The following CDH8 variants were observed in gnomAD, a reference collection of about 807,000 sequenced individuals.
CDH8 encodes the protein cadherin 8, also known as cadherin-8.
A neutral mutation model predicts 68.1 loss-of-function variants in CDH8; 17 were observed. The observed-to-expected ratio is 0.25, with a 90% CI of 0.17 to 0.37. CDH8 has a LOEUF of 0.37. Ranked by LOEUF, CDH8 falls within the 10% of genes least tolerant of loss-of-function variation. The pLI is 1.00. For synonymous variants in CDH8, 372 were observed against 365.1 expected (o/e 1.02, Z -0.21); for missense variants, 763 against 999.3 (o/e 0.76, Z 3.19).
rs181692166 is a variant in CDH8 at position 61,662,498 on chromosome 16, A to G, written c.1655-6777T>C. ...CATACTACATTATTTTAAAAAAAGAAATCTCTTGAAGTTGAGGGTAAAACA... is the reference window on the plus strand; with the variant it reads ...CATACTACATTATTTTAAAAAAAGAGATCTCTTGAAGTTGAGGGTAAAACA... On this transcript the variant is annotated intron_variant, in intron 10 of 11. Transcript: ENST00000577390. Among the ~76,000 whole-genome samples, 5 of 151,950 alleles carry G rather than the reference A, an allele frequency of 3.3e-5. No individual in the cohort carries two copies. The East Asian group carries it at 5.8e-4, about 18-fold the overall frequency.
At chr16:61,957,958 T>C (rs1167552004) in intron 2 of CDH8, among the ~76,000 whole-genome samples, 1 of 152,190 alleles carries the variant, frequency 6.6e-6, no homozygotes, top group African/African-American at 2.4e-5. Context: ...GGGGACTCTA[T>C]TAGATGGGTA....
intron 6 of CDH8, chr16:61,818,037 A>T: frequency 4.2e-6 from 1 of 237,284 alleles, no homozygotes; most frequent in Non-Finnish European, 8.2e-6. Context: ...GTCATAATAA[A>T]ATTTTACTAG....
chr16:61,729,274 A>G (rs573263227), intron 8 of CDH8, among the ~76,000 whole-genome samples: 2 of 151,184 alleles, frequency 1.3e-5, no homozygotes, highest in East Asian at 3.9e-4. Context: ...AAAAATACAT[A>G]TACATGTGTA....
chr16:61,819,859 A>G (rs949960937), intron 6 of CDH8, among the ~76,000 whole-genome samples: 3 of 152,098 alleles, frequency 2.0e-5, no homozygotes, highest in African/African-American at 7.2e-5. Context: ...AAGCTAATCC[A>G]TTTAAAAGCT....
At position 61,960,408 on chromosome 16, in the gene CDH8, T is replaced by TGTGTGTGTATACACATACATATATAC. The variant is rs1567546872; in HGVS notation, c.253-58936_253-58935insGTATATATGTATGTGTATACACACAC. On this transcript the variant is annotated intron_variant, in intron 2 of 11. Coordinates refer to ENST00000577390, the MANE Select transcript of CDH8 (RefSeq NM_001796.5). The stretch of plus-strand genomic sequence containing the variant: ...GTGTGTATACACATACATATATACA[T>TGTGTGTGTATACACATACATATATAC]ATATGTGTGTGTGTATACACATACA... Among the ~76,000 whole-genome samples the TGTGTGTGTATACACATACATATATAC allele has an allele frequency of 1.1e-3, 132 of 115,624 alleles. 43 individuals are homozygous for TGTGTGTGTATACACATACATATATAC. The highest frequency in any genetic ancestry group is 5.5e-3 in the African/African-American group (125 of 22,680). The allele number at this position is 115,624 out of a possible 152,430, so 75.9% of individuals were successfully genotyped here.
intron 10 of CDH8, among the ~76,000 whole-genome samples, chr16:61,690,706 A>G (rs1427569754): frequency 6.6e-6 from 1 of 151,972 alleles, no homozygotes; most frequent in Non-Finnish European, 1.5e-5. Context: ...TAGCAGAACC[A>G]TATGTTGGCT....
At chr16:61,731,347 A>T (rs1959531218) in intron 8 of CDH8, among the ~76,000 whole-genome samples, 1 of 151,746 alleles carries the variant, frequency 6.6e-6, no homozygotes, top group African/African-American at 2.4e-5. Context: ...CTAGGGAATC[A>T]TTTCTTTAAC....
At chr16:61,789,505 A>T in intron 7 of CDH8, 23 bp from the exon 8 acceptor site, 2 of 1,609,092 alleles carry the variant, frequency 1.2e-6, no homozygotes, top group Non-Finnish European at 1.7e-6. Context: ...CACATCTGTA[A>T]TCTACTTCAA....
Position 61,652,526 on chromosome 16 carries a change from G to A in CDH8, c.*1082C>T. 1 of 1,019,172 alleles carries A rather than the reference G, an allele frequency of 9.8e-7. No individual in the cohort carries two copies. The highest frequency in any genetic ancestry group is 1.2e-6 in the Non-Finnish European group (1 of 852,470). The allele number at this position is 1,019,172 out of a possible 1,614,324, so 63.1% of individuals were successfully genotyped here. A position where few individuals can be genotyped will look rare whatever the true frequency, so the allele number is the denominator to read the frequency against. The stretch of plus-strand genomic sequence containing the variant: ...GAAGATGCTGTTCCTGCCATCTCCA[G>A]TTACAATAACACTTTCTACTCTAAA... On this transcript the variant is annotated 3_prime_UTR_variant, in exon 12 of 12. Coordinates refer to ENST00000577390, the MANE Select transcript of CDH8 (RefSeq NM_001796.5).
chr16:61,856,199 A>G (rs1026224285), intron 4 of CDH8, among the ~76,000 whole-genome samples: 1 of 152,120 alleles, frequency 6.6e-6, no homozygotes, highest in Admixed American at 6.6e-5. Context: ...ATAATAATAT[A>G]TGTATATGTG....
At chr16:62,029,158 T>C (rs1902265974) in intron 1 of CDH8, among the ~76,000 whole-genome samples, 1 of 152,162 alleles carries the variant, frequency 6.6e-6, no homozygotes, top group Non-Finnish European at 1.5e-5. Context: ...ACTACCTACT[T>C]TGAAAGATTA....
chr16:61,928,628 G>A (rs562041232), intron 2 of CDH8, among the ~76,000 whole-genome samples: 3 of 152,190 alleles, frequency 2.0e-5, no homozygotes, highest in Non-Finnish European at 2.9e-5. Flanking sequence ...ACCATAAATA[G>A]TAGAGGTTTA....
chr16:61,657,990 T>A (rs1301759857), intron 10 of CDH8, among the ~76,000 whole-genome samples: 1 of 152,110 alleles, frequency 6.6e-6, no homozygotes, highest in African/African-American at 2.4e-5. Context: ...AGAAGACTGT[T>A]GACTGAGTAA....
chr16:61,836,603 A>G (rs1962574840), intron 4 of CDH8, among the ~76,000 whole-genome samples: 1 of 152,012 alleles, frequency 6.6e-6, no homozygotes, highest in African/African-American at 2.4e-5. Flanking sequence ...GCAGAAAAGC[A>G]CAGCTATTTC....
Position 61,653,530 on chromosome 16 carries a change from A to T in CDH8, c.*78T>A. ...AAACTTGCCTCTAAAACAAATAGCC[A>T]CATTGGTTGTATCTAAGGGGAGTGA... On this transcript the variant is annotated 3_prime_UTR_variant, in exon 12 of 12. Transcript: ENST00000577390. 1 of 1,513,386 alleles carries T rather than the reference A, an allele frequency of 6.6e-7. No individual in the cohort carries two copies. Among genetic ancestry groups the T allele is most frequent in the Non-Finnish European group, 8.8e-7 (1 of 1,132,422 alleles). The allele number at this position is 1,513,386 out of a possible 1,614,324, so 93.7% of individuals were successfully genotyped here. A position where few individuals can be genotyped will look rare whatever the true frequency, so the allele number is the denominator to read the frequency against.
chr16:61,727,279 T>TG, intron 8 of CDH8, 64 bp from the exon 9 acceptor site: 1 of 1,497,118 alleles, frequency 6.7e-7, no homozygotes, highest in Non-Finnish European at 9.0e-7. Flanking sequence ...AACTCAACTT[T>TG]CTCTTGAAAG....
intron 3 of CDH8, among the ~76,000 whole-genome samples, chr16:61,861,935 C>A (rs1963157789): frequency 6.6e-6 from 1 of 152,204 alleles, no homozygotes; most frequent in African/African-American, 2.4e-5. Context: ...ACAAACTAAT[C>A]TTTTACAATT....
rs149258191 is a variant in CDH8 at position 61,819,223 on chromosome 16, T to C, written c.1024-1491A>G. On this transcript the variant is annotated intron_variant, in intron 6 of 11. Coordinates refer to ENST00000577390, the MANE Select transcript of CDH8 (RefSeq NM_001796.5). ...TTTATTGGACAAAAAAGAGGGCCTATAAATTGTAGAAATACAACTCCTTTG... is the reference window on the plus strand; with the variant it reads ...TTTATTGGACAAAAAAGAGGGCCTACAAATTGTAGAAATACAACTCCTTTG... Among the ~76,000 whole-genome samples, 206 of 152,206 alleles carry C rather than the reference T, an allele frequency of 1.4e-3. 6 individuals are homozygous for C. The East Asian group carries it at 0.022, about 16-fold the overall frequency.
At chr16:61,982,808 C>A (rs1965561241) in intron 2 of CDH8, among the ~76,000 whole-genome samples, 1 of 152,110 alleles carries the variant, frequency 6.6e-6, no homozygotes, top group South Asian at 2.1e-4. Flanking sequence ...GACACAGGAA[C>A]AGAGTCTTAA....
Sources: gnomAD v4.1 joint callset for allele counts (sites outside exome capture counted in the v4.1 genomes callset) on GRCh38, gnomAD v4.1.1 for gene constraint, MANE v1.5 for transcripts, NCBI Gene and HGNC (gene_info 2026-07-23, HGNC 2026-07-21) for gene names.